Variants in PTH1R observed in about 807,000 individuals in gnomAD.
The protein encoded by PTH1R is parathyroid hormone/parathyroid hormone-related peptide receptor.
In PTH1R, 32 loss-of-function variants were observed where a neutral mutation model predicts 70.7. The ratio of observed to expected loss-of-function variants is 0.45; its 90% CI spans 0.34 to 0.61. The LOEUF (loss-of-function observed/expected upper bound fraction) is 0.61. Ranked by LOEUF, PTH1R falls within the 20% of genes least tolerant of loss-of-function variation. The pLI, the probability that PTH1R is intolerant of heterozygous loss-of-function variation, is 0.01. For missense variants in PTH1R, 626 were observed against 792.5 expected, an observed-to-expected ratio of 0.79 and a Z score of 2.52; for synonymous variants, 329 against 324.8, an observed-to-expected ratio of 1.01 and a Z score of -0.14.
rs144725121 is a variant in PTH1R at position 46,897,473 on chromosome 3, T to A, written c.314-382T>A. ...TGGGCCGGGTGCAGTGGCTCATGCC[T>A]GTAATCCCAGCACTTTGGGAGGCCG... On this transcript the variant is annotated intron_variant, in intron 5 of 15. Coordinates refer to ENST00000449590, the MANE Select transcript of PTH1R (RefSeq NM_000316.3). Among the ~76,000 whole-genome samples, 632 of 152,346 alleles carry A rather than the reference T, an allele frequency of 4.1e-3. 6 individuals carry two copies. Among genetic ancestry groups the A allele is most frequent in the African/African-American group, 0.015 (611 of 41,580 alleles).
intron 7 of PTH1R, 23 bp from the exon 8 acceptor site, chr3:46,898,355 G>A (rs1177723792): frequency 1.2e-6 from 2 of 1,611,444 alleles, no homozygotes; most frequent in East Asian, 2.2e-5. Flanking sequence ...GGCTCTGACT[G>A]TGTCTCCCCC....
intron 3 of PTH1R, among the ~76,000 whole-genome samples, chr3:46,885,273 C>CG (rs2030943117): frequency 6.6e-6 from 1 of 152,054 alleles, no homozygotes. Context: ...GACTTGGAGG[C>CG]GCAGTTGTGT....
chr3:46,883,194 G>A lies in PTH1R; in HGVS notation c.-48-318G>A, dbSNP rs1339832427. Among the ~76,000 whole-genome samples the A allele has an allele frequency of 3.3e-5, 5 of 151,168 alleles. No homozygotes were observed. Among genetic ancestry groups the A allele is most frequent in the Admixed American group, 1.3e-4 (2 of 15,202 alleles). Reference sequence around the variant, plus strand: ...AAAGAAAGAAAAGGCGGCGCGGGAGGGGGGCGGGGGGCGGGCCGGGGGCGG... The same window carrying A: ...AAAGAAAGAAAAGGCGGCGCGGGAGAGGGGCGGGGGGCGGGCCGGGGGCGG... On this transcript the variant is annotated intron_variant, in intron 2 of 15. Coordinates refer to ENST00000449590, the MANE Select transcript of PTH1R (RefSeq NM_000316.3). This position sits in a 1 kb window ranked among gnomAD's most constrained non-coding sequence, Gnocchi z 6.4.
At position 46,895,771 on chromosome 3, in the gene PTH1R, C is replaced by T. The variant is rs572975854; in HGVS notation, c.215C>T (p.Ala72Val). The change falls in exon 5 of 16, where the codon GCG becomes GTG. Residue 72 changes from alanine (A) to valine (V), a missense_variant. Ala to Val is a moderately conservative substitution (Grantham distance 64). Transcript: ENST00000449590. ...IMESDKGWTS[A>V]STSGKPRKDK... is the part of the protein sequence containing the mutation. The stretch of plus-strand genomic sequence containing the variant: ...GAATCAGACAAGGGATGGACATCTG[C>T]GTCCACATCAGGGAAGCCCAGGAAA... The T allele has an allele frequency of 1.7e-5, 27 of 1,614,142 alleles. No homozygotes were observed. In the Middle Eastern group the frequency reaches 4.9e-4, roughly 30 times the overall value.
chr3:46,902,781 C>CA lies in PTH1R; in HGVS notation c.1388dup (p.Asn463LysfsTer7). On this transcript the variant is annotated frameshift_variant, in exon 15 of 16. Coordinates refer to ENST00000449590, the MANE Select transcript of PTH1R (RefSeq NM_000316.3). LOFTEE classifies it high-confidence loss of function. The surrounding 1 kb of genome is among the most constrained non-coding windows in gnomAD (Gnocchi z 5.4). ...TTGTCGCAATCATATACTGTTTCTGCAATGGCGAGGTAAGCAGGAGACAGT... is the reference window on the plus strand; with the variant it reads ...TTGTCGCAATCATATACTGTTTCTGCAAATGGCGAGGTAAGCAGGAGACAGT... 1 of 1,613,790 alleles carries CA rather than the reference C, an allele frequency of 6.2e-7. No homozygotes were observed. Among genetic ancestry groups the CA allele is most frequent in the Non-Finnish European group, 8.5e-7 (1 of 1,179,998 alleles).
Position 46,901,478 on chromosome 3 carries a change from G to A in PTH1R, c.1114G>A (p.Val372Met), listed in dbSNP as rs771456300. 1.9e-6 allele frequency: 3 copies of A among 1,568,970 alleles called. No individual in the cohort carries two copies. The highest frequency in any genetic ancestry group is 2.6e-6 in the Non-Finnish European group (3 of 1,156,178). ...CCAGGTGCCCATCCTGGCCTCCATT[G>A]TGGTGAGCAGGGGTGGGCTGCTGGC... is the stretch of plus-strand genomic sequence containing the variant. ...IIQVPILASI[V>M]LNFILFINIV... Residue 372 changes from valine (V) to methionine (M), a missense_variant and splice_region_variant, in exon 12 of 16, where the codon GTG (valine) becomes ATG (methionine). Val to Met is a conservative substitution (Grantham distance 21). This residue lies in a region of PTH1R where 495 missense variants were observed against 638.7 expected (regional missense o/e 0.77). Transcript: ENST00000449590. The surrounding 1 kb of genome is among the most constrained non-coding windows in gnomAD (Gnocchi z 7.3).
At chr3:46,878,732 C>T (rs116527098) in intron 1 of PTH1R, among the ~76,000 whole-genome samples, 3,115 of 152,196 alleles carry the variant, frequency 0.02, 55 homozygotes, top group Non-Finnish European at 0.034. Flanking sequence ...TTGGCCAGAG[C>T]CCTACTCACG....
chr3:46,888,400 G>A (rs1023221308), intron 3 of PTH1R, among the ~76,000 whole-genome samples: 2 of 152,218 alleles, frequency 1.3e-5, no homozygotes, highest in South Asian at 2.1e-4. Context: ...GGTTTTCTTC[G>A]GAATGTTTTA....
At chr3:46,894,529 A>T (rs1011920225) in intron 4 of PTH1R, among the ~76,000 whole-genome samples, 4 of 152,166 alleles carry the variant, frequency 2.6e-5, no homozygotes, top group African/African-American at 9.7e-5. Context: ...CTGGGGGGTC[A>T]GATGGGCCCC....
At position 46,881,083 on chromosome 3, in the gene PTH1R, C is replaced by G. The variant is rs772153423; in HGVS notation, c.-84C>G. 1.3e-5 allele frequency: 2 copies of G among 152,390 alleles called. No homozygotes were observed. The highest frequency in any genetic ancestry group is 2.4e-5 in the African/African-American group (1 of 41,460). The allele number at this position is 152,390 out of a possible 1,614,324, so 9.4% of individuals were successfully genotyped here. ...GCAGATGAGGAAACTGAGGTCCAGA[C>G]AGCCGAAGAGTGGTAGTGTCCAGGA... On this transcript the variant is annotated 5_prime_UTR_variant, in exon 2 of 16. Coordinates refer to ENST00000449590, the MANE Select transcript of PTH1R (RefSeq NM_000316.3).
In PTH1R at chr3:46,883,555, T is replaced by G. The variant is rs1449916025; in HGVS notation, c.-5T>G. On this transcript the variant is annotated 5_prime_UTR_variant, in exon 3 of 16. Coordinates refer to ENST00000449590, the MANE Select transcript of PTH1R (RefSeq NM_000316.3). The surrounding 1 kb of genome is among the most constrained non-coding windows in gnomAD (Gnocchi z 6.4). ...CCCCGAGGGACGCGGCCCTAGGCGGTGGCGATGGGGACCGCCCGGATCGCA... is the reference window on the plus strand; with the variant it reads ...CCCCGAGGGACGCGGCCCTAGGCGGGGGCGATGGGGACCGCCCGGATCGCA... The G allele has an allele frequency of 3.9e-6, 6 of 1,533,458 alleles. No individual in the cohort carries two copies. The highest frequency in any genetic ancestry group is 5.2e-6 in the Non-Finnish European group (6 of 1,144,810). The allele number at this position is 1,533,458 out of a possible 1,614,324, so 95.0% of individuals were successfully genotyped here. A position where few individuals can be genotyped will look rare whatever the true frequency, so the allele number is the denominator to read the frequency against.
At chr3:46,890,822 C>T (rs925575402) in intron 3 of PTH1R, among the ~76,000 whole-genome samples, 4 of 152,130 alleles carry the variant, frequency 2.6e-5, no homozygotes, top group African/African-American at 4.8e-5. Context: ...TATTATTACC[C>T]TGATTTTACA....
Position 46,879,680 on chromosome 3 carries a change from A to T in PTH1R, c.-105-1382A>T, listed in dbSNP as rs1343014588. On this transcript the variant is annotated intron_variant, in intron 1 of 15. Transcript: ENST00000449590. The surrounding 1 kb of genome is among the most constrained non-coding windows in gnomAD (Gnocchi z 4.7). ...GAGGATTGCTTGAGCCCAGGAGGTC[A>T]AGGCTGCTGTGAGCCATGACCGTGC... Among the ~76,000 whole-genome samples, 1 of 152,180 alleles carries T rather than the reference A, an allele frequency of 6.6e-6. No individual in the cohort carries two copies. The highest frequency in any genetic ancestry group is 2.4e-5 in the African/African-American group (1 of 41,448).
rs2030690225 is a variant in PTH1R, at chr3:46,882,711, G to T, written c.-48-801G>T. Among the ~76,000 whole-genome samples, 1 of 152,120 alleles carries T rather than the reference G, an allele frequency of 6.6e-6. No homozygotes were observed. The highest frequency in any genetic ancestry group is 2.4e-5 in the African/African-American group (1 of 41,444). On this transcript the variant is annotated intron_variant, in intron 2 of 15. Transcript: ENST00000449590. The surrounding 1 kb of genome is among the most constrained non-coding windows in gnomAD (Gnocchi z 4.3). ...GGGAGTGACCGAAACGGAGCTTGGG[G>T]CCGCTGGAAGAACTGAGGCCAAGGC... is the stretch of plus-strand genomic sequence containing the variant.
chr3:46,903,167 C>T lies in PTH1R; in HGVS notation c.1396-103C>T. 3 of 1,552,426 alleles carry T rather than the reference C, an allele frequency of 1.9e-6. No homozygotes were observed. The highest frequency in any genetic ancestry group is 1.7e-6 in the Non-Finnish European group (2 of 1,148,698). ...CTTGGCCTTGGAGTTTCCCAGGAGT[C>T]CCCTATTCCCATTTTCATTCCGTGC... On this transcript the variant is annotated intron_variant, in intron 15 of 15. Coordinates refer to ENST00000449590, the MANE Select transcript of PTH1R (RefSeq NM_000316.3). The surrounding 1 kb of genome is among the most constrained non-coding windows in gnomAD (Gnocchi z 4.4).
In PTH1R at chr3:46,902,031, A is replaced by C. The variant is rs2032158919; in HGVS notation, c.1211+171A>C. Among the ~76,000 whole-genome samples the C allele has an allele frequency of 6.6e-6, 1 of 152,158 alleles. No homozygotes were observed. The highest frequency in any genetic ancestry group is 6.5e-5 in the Admixed American group (1 of 15,276). On this transcript the variant is annotated intron_variant, in intron 13 of 15. Coordinates refer to ENST00000449590, the MANE Select transcript of PTH1R (RefSeq NM_000316.3). The surrounding 1 kb of genome is among the most constrained non-coding windows in gnomAD (Gnocchi z 5.4). ...ACCTGGCCTGCCCAGCAGTGATGGG[A>C]GGCCCTAGGGCACCCCAAAGCCAGC...
chr3:46,898,223 A>G (rs2107035677), intron 7 of PTH1R, 31 bp downstream of exon 7: 1 of 1,610,796 alleles, frequency 6.2e-7, no homozygotes. Context: ...CAACCTGACC[A>G]GGATAAATTC....
chr3:46,888,760 T>G (rs1056161142), intron 3 of PTH1R, among the ~76,000 whole-genome samples: 2 of 152,186 alleles, frequency 1.3e-5, no homozygotes, highest in African/African-American at 4.8e-5. Flanking sequence ...GGGCCTTGAT[T>G]CCTCAACCCA....
rs2030640745 is a variant in PTH1R at position 46,882,266 on chromosome 3, G to A, written c.-49+1148G>A. ...GGAGAAGGGGAGCGGCAGACGCCGAGGCGAGGGATGCGCGCGGCGGGCGGT... is the reference window on the plus strand; with the variant it reads ...GGAGAAGGGGAGCGGCAGACGCCGAAGCGAGGGATGCGCGCGGCGGGCGGT... On this transcript the variant is annotated intron_variant, in intron 2 of 15. Transcript: ENST00000449590. The surrounding 1 kb of genome is among the most constrained non-coding windows in gnomAD (Gnocchi z 4.3). 6.6e-6 allele frequency: 1 copy of A among 151,922 alleles called. No homozygotes were observed. The highest frequency in any genetic ancestry group is 2.4e-5 in the African/African-American group (1 of 41,320). 9.4% of individuals were successfully genotyped at this position (151,922 alleles called of 1,614,324 possible).
Sources: gnomAD v4.1 joint callset for allele counts (sites outside exome capture counted in the v4.1 genomes callset) on GRCh38, gnomAD v4.1.1 for gene constraint, gnomAD v4.1.1 regional missense constraint, Gnocchi (gnomAD v3.1) non-coding constraint, MANE v1.5 for transcripts, NCBI Gene and HGNC (gene_info 2026-07-23, HGNC 2026-07-21) for gene names.